Variants in PTPRO observed in about 807,000 individuals in gnomAD.
The protein encoded by PTPRO is receptor-type tyrosine-protein phosphatase O.
In PTPRO, 62 loss-of-function variants were observed where a neutral mutation model predicts 145.2. The ratio of observed to expected loss-of-function variants is 0.43; its 90% CI spans 0.35 to 0.53. The LOEUF (loss-of-function observed/expected upper bound fraction) is 0.53, where lower values mean the gene tolerates loss of function less well. Among genes scored for constraint, PTPRO ranks in the 20% least tolerant of loss-of-function variants. The probability of loss-of-function intolerance (pLI) is 0.01; values close to 1 mark genes in which losing one functional copy is unlikely to be tolerated. For missense variants in PTPRO, 1,345 were observed against 1,482.7 expected (o/e 0.91, Z 1.53); for synonymous variants, 565 against 514.7 (o/e 1.10, Z -1.32).
chr12:15,439,054 C>T (rs941226477), intron 1 of PTPRO, among the ~76,000 whole-genome samples: 1 of 152,078 alleles, frequency 6.6e-6, no homozygotes, highest in Non-Finnish European at 1.5e-5. Context: ...ACAAAGAGAA[C>T]CCCATCAGGC....
chr12:15,496,289 T>C (rs6488778), intron 2 of PTPRO, among the ~76,000 whole-genome samples: 151,551 of 151,872 alleles, frequency 1, 75,616 homozygotes, highest in Middle Eastern at 1. Context: ...ATTACAGGCG[T>C]GTGTCACCAC....
At position 15,578,853 on chromosome 12, in the gene PTPRO, G is replaced by C. The variant is rs1460825452; in HGVS notation, c.2830G>C (p.Glu944Gln). 2.5e-6 allele frequency: 4 copies of C among 1,579,228 alleles called. No homozygotes were observed. In the South Asian group the frequency reaches 4.4e-5, roughly 17 times the overall value. Residue 944 changes from glutamate (E) to glutamine (Q), a missense_variant and splice_region_variant, in exon 20 of 27, where the codon GAG becomes CAG. Glu to Gln is a conservative substitution (Grantham distance 29). Around this residue, in one of 3 missense-constraint regions of PTPRO, gnomAD observed 1,130 missense variants for 1,214.7 expected, o/e 0.93. Transcript: ENST00000281171. ...CAAATCCATTCTCTGTCCTTTACAG[G>C]AGTTGAAATTGATTGGACTGGATAT... ...SDYKFSLQFE[E>Q]LKLIGLDIPH...
chr12:15,408,632 TG>T (rs1408908448), intron 1 of PTPRO, among the ~76,000 whole-genome samples: 1 of 152,162 alleles, frequency 6.6e-6, no homozygotes, highest in Non-Finnish European at 1.5e-5. Context: ...TTCACCATGT[TG>T]GCCAGGCTGG....
At chr12:15,382,061 G>C (rs1395982559) in intron 1 of PTPRO, among the ~76,000 whole-genome samples, 1 of 151,286 alleles carries the variant, frequency 6.6e-6, no homozygotes, top group African/African-American at 2.4e-5. Flanking sequence ...AGCAAACAGA[G>C]ACCAAGATAA....
intron 1 of PTPRO, among the ~76,000 whole-genome samples, chr12:15,478,325 T>G (rs947701614): frequency 6.6e-6 from 1 of 152,214 alleles, no homozygotes; most frequent in African/African-American, 2.4e-5. Flanking sequence ...TACTGACAAT[T>G]GCTTCAATTA....
At chr12:15,515,043 G>A (rs1861597) in intron 7 of PTPRO, among the ~76,000 whole-genome samples, 87,061 of 151,586 alleles carry the variant, frequency 0.57, 26,278 homozygotes, top group Admixed American at 0.66. Context: ...GGGATTACAC[G>A]CGTGAGCCAC....
chr12:15,353,767 T>C (rs1212165885), intron 1 of PTPRO, among the ~76,000 whole-genome samples: 1 of 152,224 alleles, frequency 6.6e-6, no homozygotes, highest in Non-Finnish European at 1.5e-5. Context: ...GCCATGACCA[T>C]TGCCTTTGAC....
Position 15,581,674 on chromosome 12 carries a change from T to C in PTPRO, c.3133-5T>C. ...TTTTAAAAAATTGTTTTGTCCTTGC[T>C]CCAGGTGAAATGTGACCATTACTGG... is the stretch of plus-strand genomic sequence containing the variant. On this transcript the variant is annotated splice_region_variant and splice_polypyrimidine_tract_variant and intron_variant, in intron 22 of 26. Transcript: ENST00000281171. 6.2e-7 allele frequency: 1 copy of C among 1,613,926 alleles called. No individual in the cohort carries two copies. Among genetic ancestry groups the C allele is most frequent in the Admixed American group, 1.7e-5 (1 of 60,024 alleles).
intron 1 of PTPRO, among the ~76,000 whole-genome samples, chr12:15,437,038 A>C (rs1940614817): frequency 6.6e-6 from 1 of 151,734 alleles, no homozygotes; most frequent in African/African-American, 2.4e-5. Context: ...CTAGGCAGAA[A>C]TCTGGGTATT....
At chr12:15,565,677 C>T (rs762923106) in intron 18 of PTPRO, 49 bp downstream of exon 18, 3 of 1,265,400 alleles carry the variant, frequency 2.4e-6, no homozygotes, top group South Asian at 2.5e-5. Context: ...TTATAATAAT[C>T]TTAACGTTCC....
At chr12:15,515,435 G>T in intron 7 of PTPRO, 63 bp from the exon 8 acceptor site, 1 of 1,590,332 alleles carries the variant, frequency 6.3e-7, no homozygotes, top group South Asian at 1.1e-5. Context: ...TATTATACCA[G>T]CCTCTGTGTA....
chr12:15,369,771 G>T (rs984242210), intron 1 of PTPRO, among the ~76,000 whole-genome samples: 2 of 152,118 alleles, frequency 1.3e-5, no homozygotes, highest in African/African-American at 4.8e-5. Flanking sequence ...CGTATTTCTG[G>T]CTGGGCATGG....
intron 1 of PTPRO, among the ~76,000 whole-genome samples, chr12:15,349,314 T>C (rs1487237687): frequency 6.6e-6 from 1 of 152,108 alleles, no homozygotes; most frequent in Admixed American, 6.6e-5. Context: ...AGGAGTGCAA[T>C]TGGAGATGGA....
At chr12:15,587,665 G>A (rs1944458553) in intron 24 of PTPRO, among the ~76,000 whole-genome samples, 1 of 152,208 alleles carries the variant, frequency 6.6e-6, no homozygotes, top group African/African-American at 2.4e-5. Flanking sequence ...AACAGGAAAA[G>A]TTATCATTAA....
At chr12:15,464,649 G>A (rs189779683) in intron 1 of PTPRO, among the ~76,000 whole-genome samples, 71 of 151,786 alleles carry the variant, frequency 4.7e-4, no homozygotes, top group African/African-American at 7.2e-4. Flanking sequence ...ATGAGCCACC[G>A]TGCCCAGCTG....
At chr12:15,488,477 T>C (rs1054171783) in intron 2 of PTPRO, among the ~76,000 whole-genome samples, 1 of 152,192 alleles carries the variant, frequency 6.6e-6, no homozygotes, top group African/African-American at 2.4e-5. Context: ...TATCTGTCAG[T>C]TAATGATGTG....
chr12:15,521,920 G>A (rs1299706341), intron 10 of PTPRO, among the ~76,000 whole-genome samples: 2 of 152,096 alleles, frequency 1.3e-5, no homozygotes, highest in African/African-American at 4.8e-5. Flanking sequence ...ATAAACTATG[G>A]TTAATAGACA....
intron 1 of PTPRO, among the ~76,000 whole-genome samples, chr12:15,421,249 T>C (rs1171268610): frequency 6.6e-6 from 1 of 152,232 alleles, no homozygotes; most frequent in Non-Finnish European, 1.5e-5. Flanking sequence ...AACTTACTTA[T>C]TTTCCTATCT....
chr12:15,409,361 T>C (rs1193946789), intron 1 of PTPRO, among the ~76,000 whole-genome samples: 1 of 152,210 alleles, frequency 6.6e-6, no homozygotes, highest in Non-Finnish European at 1.5e-5. Context: ...AAGTTTTTCC[T>C]GACACTTAGA....
Sources: allele counts gnomAD v4.1 joint callset (sites outside exome capture counted in the v4.1 genomes callset), GRCh38; gene constraint gnomAD v4.1.1; regional missense constraint gnomAD v4.1.1; transcripts MANE v1.5; gene names NCBI Gene and HGNC (gene_info 2026-07-23, HGNC 2026-07-21).